Variants in TENM1 observed in about 807,000 individuals in gnomAD.
TENM1 encodes teneurin transmembrane protein 1.
A neutral mutation model predicts 174.8 loss-of-function variants in TENM1; 35 were observed. That is an observed-to-expected ratio of 0.20 (90% CI 0.15 to 0.27). The LOEUF (loss-of-function observed/expected upper bound fraction) is 0.27, where lower values mean the gene tolerates loss of function less well. Among genes scored for constraint, TENM1 ranks in the 10% least tolerant of loss-of-function variants. The pLI is 1.00. For synonymous variants in TENM1, 781 were observed against 798.7 expected (o/e 0.98, Z 0.37); for missense variants, 1,633 against 2,130.1 (o/e 0.77, Z 4.59).
At chrX:124,648,013 G>T (rs1488887805) in intron 8 of TENM1, among the ~76,000 whole-genome samples, 1 of 111,288 alleles carries the variant, frequency 9.0e-6, no homozygotes, top group Non-Finnish European at 1.9e-5. Context: ...TATAATGAGG[G>T]TCGAGAAATA....
intron 25 of TENM1, 88 bp from the exon 29 acceptor site, chrX:124,406,577 A>T (rs1333291068): frequency 1.7e-6 from 1 of 576,795 alleles, no homozygotes; most frequent in East Asian, 3.4e-5. Context: ...CAGCTAATAC[A>T]GTTTAACTTT....
chrX:124,629,688 T>C (rs1427963829), intron 11 of TENM1, among the ~76,000 whole-genome samples: 1 of 112,211 alleles, frequency 8.9e-6, no homozygotes, highest in African/African-American at 3.2e-5. Flanking sequence ...GGTAATACAA[T>C]AACTTGGAAA....
intron 3 of TENM1, among the ~76,000 whole-genome samples, chrX:124,738,195 T>G (rs1276302260): frequency 8.9e-6 from 1 of 111,849 alleles, no homozygotes; most frequent in Non-Finnish European, 1.9e-5. Context: ...GGATAAACTT[T>G]GTGGACAGCA....
At chrX:124,759,808 A>G (rs747192811) in intron 3 of TENM1, among the ~76,000 whole-genome samples, 1 of 112,038 alleles carries the variant, frequency 8.9e-6, no homozygotes, top group East Asian at 2.8e-4. Flanking sequence ...TAAATAGCCG[A>G]TTATCTTGGT....
At chrX:124,563,693 G>A (rs1014894495) in intron 13 of TENM1, 56 bp downstream of exon 16, 1 of 963,237 alleles carries the variant, frequency 1.0e-6, no homozygotes, top group South Asian at 2.4e-5. Context: ...TTTCTTACAT[G>A]CATATTTTCT....
chrX:124,947,817 G>T (rs1028250792), intron 1 of TENM1, among the ~76,000 whole-genome samples: 2 of 111,485 alleles, frequency 1.8e-5, no homozygotes, highest in Non-Finnish European at 3.8e-5. Context: ...TGGCAATATT[G>T]ATTTATACTT....
intron 3 of TENM1, among the ~76,000 whole-genome samples, chrX:124,820,132 C>G (rs935397928): frequency 1.8e-5 from 2 of 110,961 alleles, no homozygotes; most frequent in Non-Finnish European, 3.8e-5. Context: ...TGTTTTTGTC[C>G]TAGTATTTTG....
chrX:124,434,701 T>A (rs991575604), intron 23 of TENM1, among the ~76,000 whole-genome samples: 2 of 112,633 alleles, frequency 1.8e-5, no homozygotes, highest in Admixed American at 1.9e-4. Flanking sequence ...CAGCAGGAGA[T>A]GAAGGCCCAG....
intron 4 of TENM1, among the ~76,000 whole-genome samples, chrX:124,725,528 G>A (rs1603075950): frequency 8.9e-6 from 1 of 112,170 alleles, no homozygotes; most frequent in East Asian, 2.8e-4. Context: ...GTTCACCAAA[G>A]GGGACAATTC....
At chrX:125,068,772 G>C in the TENM1 span, among the ~76,000 whole-genome samples, 2 of 111,827 alleles carry the variant, frequency 1.8e-5, no homozygotes, top group African/African-American at 6.5e-5. Flanking sequence ...AGAATTACTT[G>C]AAAGTGCACT....
intron 6 of TENM1, among the ~76,000 whole-genome samples, chrX:124,660,306 C>A (rs1286545829): frequency 9.4e-6 from 1 of 106,009 alleles, no homozygotes; most frequent in Non-Finnish European, 1.9e-5. Flanking sequence ...ACCCGGGAGG[C>A]AGAGGTTGCA....
chrX:124,885,922 C>T (rs1156376146), intron 3 of TENM1, among the ~76,000 whole-genome samples: 2 of 111,089 alleles, frequency 1.8e-5, no homozygotes, highest in Non-Finnish European at 1.9e-5. Flanking sequence ...ACTTTAAATA[C>T]CTACCCAAAA....
At chrX:125,066,237 A>G in the TENM1 span, among the ~76,000 whole-genome samples, 2 of 111,604 alleles carry the variant, frequency 1.8e-5, no homozygotes, top group African/African-American at 6.5e-5. Context: ...CGTTAAGAGT[A>G]TTCCATGGAT....
At chrX:124,977,967 TGAGAGAGAGAGAGAGAGAGAGAGAGAGA>T in the TENM1 span, among the ~76,000 whole-genome samples, 6 of 33,089 alleles carry the variant, frequency 1.8e-4, no homozygotes, top group African/African-American at 9.0e-4. Flanking sequence ...TGTGTGTGTG[TGAGAGAGAGAGAGAGAGAGAGAGAGAGA>T]GAGAGAGAGA....
At chrX:124,484,904 A>G (rs1440068928) in intron 21 of TENM1, among the ~76,000 whole-genome samples, 1 of 111,285 alleles carries the variant, frequency 9.0e-6, no homozygotes, top group Non-Finnish European at 1.9e-5. Flanking sequence ...CAGGAACCAT[A>G]TTCATCTCTC....
the TENM1 span, among the ~76,000 whole-genome samples, chrX:125,148,597 T>G: frequency 8.9e-6 from 1 of 111,938 alleles, no homozygotes; most frequent in East Asian, 2.8e-4. Context: ...TAATTCTCTC[T>G]TGAACTCAAG....
chrX:124,893,409 G>A (rs2057507822), intron 3 of TENM1, among the ~76,000 whole-genome samples: 1 of 112,719 alleles, frequency 8.9e-6, no homozygotes, highest in Non-Finnish European at 1.9e-5. Context: ...GTTTCACAGA[G>A]TGGTCATAAG....
chrX:124,498,872 T>A (rs756737730), intron 19 of TENM1, among the ~76,000 whole-genome samples: 3 of 111,538 alleles, frequency 2.7e-5, no homozygotes, highest in African/African-American at 9.7e-5. Flanking sequence ...TTAGTGCCAA[T>A]CCCTGTGGCC....
At chrX:124,977,603 C>A in the TENM1 span, among the ~76,000 whole-genome samples, 2 of 110,480 alleles carry the variant, frequency 1.8e-5, no homozygotes, top group Non-Finnish European at 1.9e-5. Context: ...ATTCCTAAAT[C>A]TAGTAAGCAG....
Sources: gnomAD v4.1 joint callset for allele counts (sites outside exome capture counted in the v4.1 genomes callset) on GRCh38, gnomAD v4.1.1 for gene constraint, MANE v1.5 for transcripts, NCBI Gene and HGNC (gene_info 2026-07-23, HGNC 2026-07-21) for gene names.